Variants in ZNF585B observed in about 807,000 individuals in gnomAD.
ZNF585B encodes zinc finger protein 585B, also known as zinc finger protein 41-like protein.
ZNF585B carries 7 observed loss-of-function variants against 14.0 expected under a neutral mutation model. The ratio of observed to expected loss-of-function variants is 0.50; its 90% CI spans 0.28 to 0.94. ZNF585B has a LOEUF of 0.94. ZNF585B is among the 40% of genes least tolerant of loss of function. The pLI is 0.09. For synonymous variants in ZNF585B, 290 were observed against 317.3 expected (o/e 0.91, Z 0.91); for missense variants, 750 against 924.4 (o/e 0.81, Z 2.45).
chr19:37,186,304 T>C lies in ZNF585B; in HGVS notation c.1233A>G (p.Ile411Met). The stretch of plus-strand genomic sequence containing the variant: ...TGAAGGCCAGTCCACATTTCATGCA[T>C]ATATACGATTTTTCTCCTGTATGAA... Reference protein sequence around the residue: ...QRIHTGEKSYICMKCGLAFIR... With the variant: ...QRIHTGEKSYMCMKCGLAFIR... Residue 411 changes from isoleucine (I) to methionine (M), a missense_variant, in exon 5 of 5, where the codon ATA (isoleucine) becomes ATG (methionine). Transcript: ENST00000532828. 2 of 1,614,016 alleles carry C rather than the reference T, an allele frequency of 1.2e-6. No homozygotes were observed. The highest frequency in any genetic ancestry group is 1.1e-5 in the South Asian group (1 of 91,076).
At chr19:37,205,684 C>T (rs79181636) in intron 2 of ZNF585B, among the ~76,000 whole-genome samples, 7,761 of 152,200 alleles carry the variant, frequency 0.051, 281 homozygotes, top group South Asian at 0.088. Context: ...TATTGCTTTT[C>T]ATATATTTCT....
In ZNF585B at chr19:37,183,395, G is replaced by GGAAT. The variant is rs1269106036; in HGVS notation, c.*1828_*1831dup. The GGAAT allele has an allele frequency of 6.6e-6, 1 of 152,192 alleles. No homozygotes were observed. Among genetic ancestry groups the GGAAT allele is most frequent in the Non-Finnish European group, 1.5e-5 (1 of 68,070 alleles). 9.4% of individuals were successfully genotyped at this position (152,192 alleles called of 1,614,324 possible). ...GTCAACTCTCCACAGGTGCATTTATGGAATGCCTGCTGTATGGCAGTCATG... is the reference window on the plus strand; with the variant it reads ...GTCAACTCTCCACAGGTGCATTTATGGAATGAATGCCTGCTGTATGGCAGTCATG... On this transcript the variant is annotated 3_prime_UTR_variant, in exon 5 of 5. Coordinates refer to ENST00000532828, the MANE Select transcript of ZNF585B (RefSeq NM_152279.4).
At chr19:37,192,359 T>C (rs1332732863) in intron 2 of ZNF585B, among the ~76,000 whole-genome samples, 2 of 151,992 alleles carry the variant, frequency 1.3e-5, no homozygotes, top group Non-Finnish European at 2.9e-5. Context: ...AGAATTTAAC[T>C]TGGAAGATAA....
Position 37,185,864 on chromosome 19 carries a change from G to C in ZNF585B, c.1673C>G (p.Ala558Gly), listed in dbSNP as rs1426364317. ...RQYECHECGK[A>G]FNQKSILIVH... ...AATGAGTATTGATTTCTGGTTGAAG[G>C]CTTTCCCACATTCGTGGCATTCATA... Residue 558 changes from alanine to glycine, a missense_variant, in exon 5 of 5, where the codon GCC becomes GGC. Coordinates refer to ENST00000532828, the MANE Select transcript of ZNF585B (RefSeq NM_152279.4). The C allele has an allele frequency of 4.3e-6, 7 of 1,613,422 alleles. No individual in the cohort carries two copies. Among genetic ancestry groups the C allele is most frequent in the East Asian group, 2.2e-5 (1 of 44,876 alleles).
chr19:37,186,956 G>A lies in ZNF585B; in HGVS notation c.581C>T (p.Ser194Phe). The change falls in exon 5 of 5, where the codon TCC becomes TTC. Residue 194 changes from serine to phenylalanine, a missense_variant. Physicochemically the swap from Ser to Phe is radical, Grantham distance 155 (BLOSUM62 -2). Around this residue, in one of 2 missense-constraint regions of ZNF585B, gnomAD observed 517 missense variants for 570.3 expected, o/e 0.91. Transcript: ENST00000532828. ...KPYKCNECGK[S>F]FFQVSSLFRH... ...GAAAAGAGACGATACTTGAAAAAAG[G>A]ATTTTCCACATTCATTGCACTTATA... 6.2e-7 allele frequency: 1 copy of A among 1,614,124 alleles called. No individual in the cohort carries two copies. The highest frequency in any genetic ancestry group is 8.5e-7 in the Non-Finnish European group (1 of 1,180,020).
At chr19:37,200,464 C>T (rs1381524896) in intron 2 of ZNF585B, among the ~76,000 whole-genome samples, 3 of 149,658 alleles carry the variant, frequency 2.0e-5, no homozygotes, top group African/African-American at 4.9e-5. Flanking sequence ...GCAGAAGAAT[C>T]GCTTGAACCC....
chr19:37,190,149 C>G lies in ZNF585B; in HGVS notation c.74G>C (p.Gly25Ala). The change falls in exon 3 of 5, where the codon GGA becomes GCA. Residue 25 changes from glycine (G) to alanine (A), a missense_variant and splice_region_variant. Physicochemically the swap from Gly to Ala is moderately conservative, Grantham distance 60. Coordinates refer to ENST00000532828, the MANE Select transcript of ZNF585B (RefSeq NM_152279.4). ...APEDHGSSYE[G>A]SVSFRDVAID... is the part of the protein sequence containing the mutation. ...AGCCACATCCCTGAAGGACACTGAT[C>G]CCTGTAAGGGCACATTCCTGTTCAA... 1 of 1,614,146 alleles carries G rather than the reference C, an allele frequency of 6.2e-7. No individual in the cohort carries two copies. Among genetic ancestry groups the G allele is most frequent in the Non-Finnish European group, 8.5e-7 (1 of 1,180,010 alleles).
chr19:37,185,146 T>C lies in ZNF585B; in HGVS notation c.*81A>G. The C allele has an allele frequency of 3.4e-6, 5 of 1,474,738 alleles. No individual in the cohort carries two copies. Among genetic ancestry groups the C allele is most frequent in the Admixed American group, 2.2e-5 (1 of 45,850 alleles). The allele number at this position is 1,474,738 out of a possible 1,614,324, so 91.4% of individuals were successfully genotyped here. Reference sequence around the variant, plus strand: ...ATGTGGTCATTTCTATTTACAATAATATACATATTTTTCTGCTGCATGCGT... The same window carrying C: ...ATGTGGTCATTTCTATTTACAATAACATACATATTTTTCTGCTGCATGCGT... On this transcript the variant is annotated 3_prime_UTR_variant, in exon 5 of 5. Transcript: ENST00000532828.
Position 37,199,163 on chromosome 19 carries a change from T to C in ZNF585B, c.72+7877A>G, listed in dbSNP as rs958879777. ...CCCAAACCCTATGTTATCAAGAATTTAGTAGGAACACGAGATGTCATGTTA... is the reference window on the plus strand; with the variant it reads ...CCCAAACCCTATGTTATCAAGAATTCAGTAGGAACACGAGATGTCATGTTA... On this transcript the variant is annotated intron_variant, in intron 2 of 4. Transcript: ENST00000532828. 5.2e-5 allele frequency: 28 copies of C among 533,724 alleles called. No homozygotes were observed. In the African/African-American group the frequency reaches 5.4e-4, roughly 10 times the overall value. 33.1% of individuals were successfully genotyped at this position (533,724 alleles called of 1,614,324 possible). A position where few individuals can be genotyped will look rare whatever the true frequency, so the allele number is the denominator to read the frequency against.
intron 2 of ZNF585B, among the ~76,000 whole-genome samples, chr19:37,201,752 G>C (rs923393263): frequency 6.6e-6 from 1 of 152,120 alleles, no homozygotes; most frequent in African/African-American, 2.4e-5. Context: ...CTTGGTGCTT[G>C]GTGGGAAACA....
chr19:37,185,695 G>C lies in ZNF585B; in HGVS notation c.1842C>G (p.Ser614=). ...KPYECSDCGK[S]FTSKSQLLVH... ...CCAGGAGCTGAGACTTGGAGGTAAA[G>C]GACTTCCCACAGTCACTGCATTCAT... is the stretch of plus-strand genomic sequence containing the variant. Residue 614 remains serine, a synonymous_variant, in exon 5 of 5, where the codon TCC becomes TCG. Transcript: ENST00000532828. The C allele has an allele frequency of 8.1e-6, 13 of 1,595,228 alleles. No individual in the cohort carries two copies. The highest frequency in any genetic ancestry group is 1.0e-5 in the Non-Finnish European group (12 of 1,170,454).
At position 37,183,436 on chromosome 19, in the gene ZNF585B, T is replaced by C. The variant is rs898825690; in HGVS notation, c.*1791A>G. ...GGCAGTCATGGGTCTAGACTCATAGTGGTGAACAAAAGGGAAATATTTTCT... is the reference window on the plus strand; with the variant it reads ...GGCAGTCATGGGTCTAGACTCATAGCGGTGAACAAAAGGGAAATATTTTCT... On this transcript the variant is annotated 3_prime_UTR_variant, in exon 5 of 5. Transcript: ENST00000532828. The C allele has an allele frequency of 7.9e-5, 12 of 152,222 alleles. No individual in the cohort carries two copies. The highest frequency in any genetic ancestry group is 7.9e-4 in the Admixed American group (12 of 15,286). 9.4% of individuals were successfully genotyped at this position (152,222 alleles called of 1,614,324 possible). A position where few individuals can be genotyped will look rare whatever the true frequency, so the allele number is the denominator to read the frequency against.
intron 2 of ZNF585B, among the ~76,000 whole-genome samples, chr19:37,191,700 C>T (rs898890205): frequency 1.3e-5 from 2 of 151,820 alleles, no homozygotes; most frequent in African/African-American, 4.8e-5. Context: ...TTCTGTTCTA[C>T]AGTCAGTCAA....
At chr19:37,204,941 C>T (rs983864997) in intron 2 of ZNF585B, among the ~76,000 whole-genome samples, 3 of 151,780 alleles carry the variant, frequency 2.0e-5, no homozygotes, top group South Asian at 2.1e-4. Flanking sequence ...AGAGACGGGG[C>T]GTCACCATGT....
In ZNF585B at chr19:37,207,054, C is replaced by T. The variant is rs778414637; in HGVS notation, c.58G>A (p.Gly20Ser). 9.3e-6 allele frequency: 15 copies of T among 1,613,948 alleles called. No homozygotes were observed. In the Admixed American group the frequency reaches 1.5e-4, roughly 16 times the overall value. ...KSSALAPEDH[G>S]SSYEGSVSFR... is the part of the protein sequence containing the mutation. ...CTCCTCCTCACCTCATAGGAGCTGCCATGATCCTCTGGAGCCAGGGCTGAG... is the reference window on the plus strand; with the variant it reads ...CTCCTCCTCACCTCATAGGAGCTGCTATGATCCTCTGGAGCCAGGGCTGAG... The change falls in exon 2 of 5, where the codon GGC (glycine) becomes AGC (serine). Residue 20 changes from glycine to serine, a missense_variant. By Grantham distance (56) the Gly-to-Ser change is moderately conservative. Transcript: ENST00000532828.
chr19:37,202,639 G>GTTTTTTTTTTTTT (rs1555779551), intron 2 of ZNF585B, among the ~76,000 whole-genome samples: 1 of 142,174 alleles, frequency 7.0e-6, no homozygotes, highest in African/African-American at 2.6e-5. Context: ...ATATTTGCAT[G>GTTTTTTTTTTTTT]GTTTTTTTTT....
rs77242797 is a variant in ZNF585B, at chr19:37,185,921, A to G, written c.1616T>C (p.Ile539Thr). The G allele has an allele frequency of 5.9e-5, 95 of 1,614,140 alleles. No homozygotes were observed. The East Asian group carries it at 2.1e-3, about 36-fold the overall frequency. ...CTCTCCAGTGTGAATTTTCTGATGT[A>G]TATTAAGATTTGACTTCTGAGTAAA... is the stretch of plus-strand genomic sequence containing the variant. ...KAFTQKSNLN[I>T]HQKIHTGERQ... The change falls in exon 5 of 5, where the codon ATA (isoleucine) becomes ACA (threonine). Residue 539 changes from isoleucine to threonine, a missense_variant. Around this residue, in one of 2 missense-constraint regions of ZNF585B, gnomAD observed 233 missense variants for 354.1 expected, o/e 0.66. Transcript: ENST00000532828.
Position 37,184,901 on chromosome 19 carries a change from A to T in ZNF585B, c.*326T>A. ...CTAATCCACAGTAAACAGGATTATC[A>T]TTCCCATAATATGATCTTTCTTATG... is the stretch of plus-strand genomic sequence containing the variant. On this transcript the variant is annotated 3_prime_UTR_variant, in exon 5 of 5. Coordinates refer to ENST00000532828, the MANE Select transcript of ZNF585B (RefSeq NM_152279.4). 1 of 452,538 alleles carries T rather than the reference A, an allele frequency of 2.2e-6. No homozygotes were observed. The highest frequency in any genetic ancestry group is 3.9e-6 in the Non-Finnish European group (1 of 258,434). 28.0% of individuals were successfully genotyped at this position (452,538 alleles called of 1,614,324 possible). A position where few individuals can be genotyped will look rare whatever the true frequency, so the allele number is the denominator to read the frequency against.
In ZNF585B at chr19:37,186,048, A is replaced by G. The variant is rs1312619760; in HGVS notation, c.1489T>C (p.Ser497Pro). 6.2e-7 allele frequency: 1 copy of G among 1,613,724 alleles called. No homozygotes were observed. The highest frequency in any genetic ancestry group is 1.3e-5 in the African/African-American group (1 of 74,900). Residue 497 changes from serine (S) to proline (P), a missense_variant, in exon 5 of 5, where the codon TCC (serine) becomes CCC (proline). Transcript: ENST00000532828. The stretch of plus-strand genomic sequence containing the variant: ...TGGGTGAAGGCCTTTCCACATTTGG[A>G]ACATATATAAGATTTCTCTCCTGTA... ...THTGEKSYICSKCGKAFTQRS... is the reference protein window; with the variant it reads ...THTGEKSYICPKCGKAFTQRS...
Sources: gnomAD v4.1 joint callset for allele counts (sites outside exome capture counted in the v4.1 genomes callset) on GRCh38, gnomAD v4.1.1 for gene constraint, gnomAD v4.1.1 regional missense constraint, MANE v1.5 for transcripts, NCBI Gene and HGNC (gene_info 2026-07-23, HGNC 2026-07-21) for gene names.